KALRN: variants seen among roughly 807,000 people sequenced by gnomAD.
KALRN encodes kalirin RhoGEF kinase.
In KALRN, 70 loss-of-function variants were observed where a neutral mutation model predicts 353.7. The ratio of observed to expected loss-of-function variants is 0.20; its 90% CI spans 0.16 to 0.24. The LOEUF is 0.24. KALRN is among the 10% of genes least tolerant of loss of function. KALRN has a pLI of 1.00. For synonymous variants in KALRN, 1,391 were observed against 1,434.8 expected, an observed-to-expected ratio of 0.97 and a Z score of 0.69; for missense variants, 2,791 against 3,756.7, an observed-to-expected ratio of 0.74 and a Z score of 6.72.
rs116134144 is a variant in KALRN, at chr3:124,147,059, G to A, written c.74-80931G>A. Among the ~76,000 whole-genome samples, 385 of 152,186 alleles carry A rather than the reference G, an allele frequency of 2.5e-3. 2 individuals carry two copies. The highest frequency in any genetic ancestry group is 8.6e-3 in the African/African-American group (359 of 41,532). On this transcript the variant is annotated intron_variant, in intron 1 of 59. Transcript: ENST00000682506. Reference sequence around the variant, plus strand: ...TTATTGTCTCCTTTTACAAAACTATGTGAGATAATAGCGCTCATCACCATC... The same window carrying A: ...TTATTGTCTCCTTTTACAAAACTATATGAGATAATAGCGCTCATCACCATC...
intron 1 of KALRN, among the ~76,000 whole-genome samples, chr3:124,043,391 G>A (rs1371321620): frequency 5.3e-5 from 8 of 152,176 alleles, no homozygotes; most frequent in Non-Finnish European, 5.9e-5. Flanking sequence ...GAGAAGGCAG[G>A]CATGAGGAAG....
At chr3:124,313,563 C>G (rs995082711) in intron 6 of KALRN, among the ~76,000 whole-genome samples, 2 of 152,192 alleles carry the variant, frequency 1.3e-5, no homozygotes, top group Non-Finnish European at 2.9e-5. Flanking sequence ...CAGCATTAAA[C>G]TAGACCCAAA....
At chr3:124,367,039 G>A (rs1314064077) in intron 10 of KALRN, among the ~76,000 whole-genome samples, 4 of 142,908 alleles carry the variant, frequency 2.8e-5, no homozygotes, top group Admixed American at 6.8e-5. Context: ...CTCCCGGACG[G>A]GGCGGCTGGC....
intron 1 of KALRN, among the ~76,000 whole-genome samples, chr3:124,117,982 A>G (rs550798748): frequency 6.6e-6 from 1 of 152,288 alleles, no homozygotes; most frequent in Non-Finnish European, 1.5e-5. Context: ...CATTTAATTA[A>G]TGTTGAACGT....
At chr3:124,384,489 T>G (rs919536593) in intron 10 of KALRN, 81 of 183,490 alleles carry the variant, frequency 4.4e-4, no homozygotes, top group Non-Finnish European at 3.1e-4. Flanking sequence ...GGTGTGCTAT[T>G]TCTGATCCTG....
chr3:124,557,637 A>C (rs909053479), intron 33 of KALRN, among the ~76,000 whole-genome samples: 1 of 152,194 alleles, frequency 6.6e-6, no homozygotes, highest in African/African-American at 2.4e-5. Context: ...GAGGCTGTTC[A>C]TATGTAGATG....
intron 46 of KALRN, 50 bp from the exon 47 acceptor site, chr3:124,666,962 T>C: frequency 6.5e-7 from 1 of 1,545,146 alleles, no homozygotes; most frequent in Non-Finnish European, 8.8e-7. Flanking sequence ...ATGTTGCTGA[T>C]TTTTAAAAAA....
At chr3:124,503,555 G>A (rs2064860517) in intron 33 of KALRN, among the ~76,000 whole-genome samples, 1 of 152,016 alleles carries the variant, frequency 6.6e-6, no homozygotes, top group Non-Finnish European at 1.5e-5. Flanking sequence ...TGGTAGGCAG[G>A]TGGCTGGAGG....
chr3:124,449,882 T>C (rs2058610137), intron 21 of KALRN, among the ~76,000 whole-genome samples: 1 of 152,262 alleles, frequency 6.6e-6, no homozygotes, highest in Non-Finnish European at 1.5e-5. Context: ...AATCCTTTTG[T>C]CCTATTATTG....
At chr3:124,086,352 T>C (rs1410215298) in intron 1 of KALRN, among the ~76,000 whole-genome samples, 1 of 148,998 alleles carries the variant, frequency 6.7e-6, no homozygotes, top group East Asian at 1.9e-4. Context: ...TGTGTGTGTG[T>C]GTTTTTGCTG....
At chr3:124,400,136 T>A (rs996136582) in intron 13 of KALRN, among the ~76,000 whole-genome samples, 5 of 147,330 alleles carry the variant, frequency 3.4e-5, no homozygotes, top group Non-Finnish European at 7.4e-5. Context: ...TTAGAAGGAA[T>A]TTTTTTTTTA....
chr3:124,605,530 G>T (rs901994682), intron 34 of KALRN, among the ~76,000 whole-genome samples: 1 of 150,760 alleles, frequency 6.6e-6, no homozygotes. Context: ...CTGAGATCAC[G>T]CTATTGCACT....
chr3:124,471,258 T>TATTATA (rs1206900342), intron 25 of KALRN, among the ~76,000 whole-genome samples: 1 of 55,234 alleles, frequency 1.8e-5, no homozygotes, highest in Non-Finnish European at 3.0e-5. Context: ...CACAAAGTTT[T>TATTATA]ATTATTATTA....
intron 1 of KALRN, among the ~76,000 whole-genome samples, chr3:124,131,005 A>G (rs1358556756): frequency 2.6e-5 from 4 of 152,196 alleles, no homozygotes; most frequent in African/African-American, 4.8e-5. Context: ...TAAATGTTCT[A>G]AATCTTGGTC....
intron 10 of KALRN, among the ~76,000 whole-genome samples, chr3:124,364,290 T>A (rs4678114): frequency 0.022 from 3,341 of 152,318 alleles, 128 homozygotes; most frequent in East Asian, 0.1. Flanking sequence ...GGCCTGTGAA[T>A]GTCAGGAACA....
At chr3:124,053,060 G>A (rs954013970) in intron 1 of KALRN, among the ~76,000 whole-genome samples, 1 of 152,116 alleles carries the variant, frequency 6.6e-6, no homozygotes, top group African/African-American at 2.4e-5. Context: ...TTAAAGATAT[G>A]GGGTCTCACT....
At chr3:124,335,626 T>C (rs1379718086) in intron 9 of KALRN, among the ~76,000 whole-genome samples, 1 of 152,034 alleles carries the variant, frequency 6.6e-6, no homozygotes, top group African/African-American at 2.4e-5. Context: ...ATCTGCCTCT[T>C]AGTTCACCAT....
At chr3:124,420,007 GA>G (rs961439906) in intron 14 of KALRN, among the ~76,000 whole-genome samples, 5 of 152,174 alleles carry the variant, frequency 3.3e-5, no homozygotes, top group African/African-American at 1.2e-4. Flanking sequence ...GGCAGTGGGA[GA>G]GGGGGTAATT....
In KALRN at chr3:124,679,356, C is replaced by G. The variant is rs1049502109; in HGVS notation, c.7318-102C>G. ...CTGGTTTTTTCTCTGCCCAAGATCC[C>G]ATCGCCCATGCTTCTCTGAAGTTCT... On this transcript the variant is annotated intron_variant, in intron 50 of 59. Transcript: ENST00000682506. 1.5e-5 allele frequency: 15 copies of G among 967,984 alleles called. 1 individual carries two copies. In the Admixed American group the frequency reaches 1.9e-4, roughly 12 times the overall value. 60.0% of individuals were successfully genotyped at this position (967,984 alleles called of 1,614,324 possible).
Sources: allele counts gnomAD v4.1 joint callset (sites outside exome capture counted in the v4.1 genomes callset), GRCh38; gene constraint gnomAD v4.1.1; transcripts MANE v1.5; gene names NCBI Gene and HGNC (gene_info 2026-07-23, HGNC 2026-07-21).